Variants in SAXO1 observed in about 807,000 individuals in gnomAD.
The protein encoded by SAXO1 is stabilizer of axonemal microtubules 1, also known as 4930500O09Rik.
In SAXO1, 21 loss-of-function variants were observed where a neutral mutation model predicts 17.5. That is an observed-to-expected ratio of 1.20 (90% CI 0.85 to 1.72). The LOEUF (loss-of-function observed/expected upper bound fraction) is 1.72. SAXO1 is among the 40% of genes most tolerant of loss of function. The pLI, the probability that SAXO1 is intolerant of heterozygous loss-of-function variation, is 0.00. For synonymous variants in SAXO1, 274 were observed against 216.5 expected, an observed-to-expected ratio of 1.27 and a Z score of -2.33; for missense variants, 843 against 596.0, an observed-to-expected ratio of 1.41 and a Z score of -4.32.
rs552644523 is a variant in SAXO1, at chr9:19,024,467, T to C, written c.38+8404A>G. Among the ~76,000 whole-genome samples the C allele has an allele frequency of 2.0e-4, 30 of 152,022 alleles. 1 individual carries two copies. The highest frequency in any genetic ancestry group is 6.8e-3 in the Middle Eastern group (2 of 294). On this transcript the variant is annotated intron_variant, in intron 1 of 3. Transcript: ENST00000380534. ...TGGGGTGGGGCGAGGGGGGGAGGGA[T>C]AGCATTAGGAGATATACCTAATGCT...
chr9:18,983,721 A>C (rs997786258), intron 1 of SAXO1, among the ~76,000 whole-genome samples: 1 of 152,204 alleles, frequency 6.6e-6, no homozygotes, highest in Non-Finnish European at 1.5e-5. Context: ...CAAAGCCCTC[A>C]AAGTCATCCA....
intron 1 of SAXO1, among the ~76,000 whole-genome samples, chr9:18,994,778 G>A (rs193061458): frequency 6.6e-6 from 1 of 152,306 alleles, no homozygotes; most frequent in East Asian, 1.9e-4. Flanking sequence ...GTAAAAGACT[G>A]AAAGCTATTA....
chr9:18,970,091 G>A (rs746554873), intron 1 of SAXO1, among the ~76,000 whole-genome samples: 1 of 152,216 alleles, frequency 6.6e-6, no homozygotes, highest in African/African-American at 2.4e-5. Context: ...GCAAGTGGAT[G>A]GGACCCAGTG....
intron 1 of SAXO1, among the ~76,000 whole-genome samples, chr9:18,976,974 T>G (rs61464373): frequency 0.038 from 5,711 of 152,270 alleles, 299 homozygotes; most frequent in African/African-American, 0.12. Context: ...ACGGCTGTTA[T>G]CATCATCATC....
intron 1 of SAXO1, among the ~76,000 whole-genome samples, chr9:18,960,326 G>C (rs76271179): frequency 0.02 from 3,061 of 152,158 alleles, 99 homozygotes; most frequent in African/African-American, 0.069. Flanking sequence ...AATCCTCTGG[G>C]GGAAGGAAGA....
intron 1 of SAXO1, among the ~76,000 whole-genome samples, chr9:18,959,387 A>C (rs1169382998): frequency 6.6e-6 from 1 of 152,206 alleles, no homozygotes; most frequent in Non-Finnish European, 1.5e-5. Context: ...CATTAAAAAG[A>C]CAACTTGAGA....
intron 3 of SAXO1, among the ~76,000 whole-genome samples, chr9:18,935,214 T>G (rs77284246): frequency 0.026 from 3,985 of 152,266 alleles, 92 homozygotes; most frequent in South Asian, 0.1. Flanking sequence ...TTGCCTGACT[T>G]CTTAAGGGTC....
At chr9:19,036,104 G>C (rs527965513), upstream of SAXO1, among the ~76,000 whole-genome samples, 1 of 151,404 alleles carries the variant, frequency 6.6e-6, no homozygotes, top group East Asian at 2.0e-4. Context: ...GGGGCCTGGC[G>C]GGGGGTAGGG....
chr9:18,972,887 T>C (rs1367838459), intron 1 of SAXO1, among the ~76,000 whole-genome samples: 2 of 152,144 alleles, frequency 1.3e-5, no homozygotes, highest in South Asian at 2.1e-4. Context: ...AGAGTACACA[T>C]GGGGAGGCAA....
upstream of SAXO1, among the ~76,000 whole-genome samples, chr9:19,035,050 A>C (rs527398594): frequency 3.9e-5 from 6 of 152,286 alleles, no homozygotes; most frequent in East Asian, 7.7e-4. Context: ...CAACAATGAT[A>C]TACCTAAAGA....
At chr9:19,027,143 T>C (rs910125291) in intron 1 of SAXO1, 1 of 1,088,960 alleles carries the variant, frequency 9.2e-7, no homozygotes, top group Non-Finnish European at 1.4e-6. Flanking sequence ...TGGATGTTGA[T>C]CCCAATGATC....
intron 1 of SAXO1, among the ~76,000 whole-genome samples, chr9:18,984,693 G>C (rs981001670): frequency 1.3e-5 from 2 of 152,182 alleles, no homozygotes; most frequent in African/African-American, 2.4e-5. Flanking sequence ...TGGCTTAAGG[G>C]AATGTTGTGG....
intron 1 of SAXO1, among the ~76,000 whole-genome samples, chr9:18,954,691 A>G (rs1248381770): frequency 6.6e-6 from 1 of 152,134 alleles, no homozygotes; most frequent in Non-Finnish European, 1.5e-5. Flanking sequence ...CTGTTCTAGT[A>G]TCTCCATTAT....
intron 1 of SAXO1, among the ~76,000 whole-genome samples, chr9:18,954,649 A>G (rs1012767368): frequency 1.3e-5 from 2 of 152,160 alleles, no homozygotes; most frequent in African/African-American, 4.8e-5. Flanking sequence ...GAATCACAGA[A>G]TTTTTAAATT....
intron 1 of SAXO1, among the ~76,000 whole-genome samples, chr9:19,030,849 T>C (rs932700800): frequency 7.2e-5 from 11 of 152,140 alleles, no homozygotes; most frequent in African/African-American, 1.9e-4. Context: ...TTGAAGGTTG[T>C]TGAAGTTGAG....
chr9:19,018,200 C>A (rs1462135124), intron 1 of SAXO1, among the ~76,000 whole-genome samples: 1 of 151,874 alleles, frequency 6.6e-6, no homozygotes, highest in African/African-American at 2.4e-5. Context: ...AAAAACACCA[C>A]CACAGAACCA....
intron 1 of SAXO1, among the ~76,000 whole-genome samples, chr9:18,974,086 C>T (rs1833045775): frequency 6.6e-6 from 1 of 152,154 alleles, no homozygotes; most frequent in Non-Finnish European, 1.5e-5. Flanking sequence ...GCCAAGGAAG[C>T]AGACAGTAAG....
At chr9:19,034,790 T>A (rs1835893010), upstream of SAXO1, among the ~76,000 whole-genome samples, 1 of 152,214 alleles carries the variant, frequency 6.6e-6, no homozygotes, top group South Asian at 2.1e-4. Context: ...CCATTGCCAT[T>A]GACAGAGAAC....
upstream of SAXO1, among the ~76,000 whole-genome samples, chr9:19,034,902 T>C (rs965481428): frequency 3.9e-5 from 6 of 152,220 alleles, no homozygotes; most frequent in African/African-American, 1.4e-4. Context: ...GAATGCCTGT[T>C]CATGCCCCCT....
Sources: gnomAD v4.1 joint callset for allele counts (sites outside exome capture counted in the v4.1 genomes callset) on GRCh38, gnomAD v4.1.1 for gene constraint, MANE v1.5 for transcripts, NCBI Gene and HGNC (gene_info 2026-07-23, HGNC 2026-07-21) for gene names.